Variants in ASAP1 observed in about 807,000 individuals in gnomAD.
ASAP1 encodes the protein arf-GAP with SH3 domain, ANK repeat and PH domain-containing protein 1.
ASAP1 carries 43 observed loss-of-function variants against 145.2 expected under a neutral mutation model. The ratio of observed to expected loss-of-function variants is 0.30; its 90% confidence interval spans 0.23 to 0.38. ASAP1 has a LOEUF of 0.38. Ranked by LOEUF, ASAP1 falls within the 10% of genes least tolerant of loss-of-function variation. The pLI is 1.00. For missense variants in ASAP1, 1,018 were observed against 1,355.3 expected, an observed-to-expected ratio of 0.75 and a Z score of 3.91; for synonymous variants, 546 against 515.5, an observed-to-expected ratio of 1.06 and a Z score of -0.80.
chr8:130,072,824 T>TGTGTGTGTGTGTGTGTGCGC, intron 27 of ASAP1, among the ~76,000 whole-genome samples: 10 of 32,306 alleles, frequency 3.1e-4, no homozygotes, highest in Middle Eastern at 0.016. Context: ...TGTGTGTGTG[T>TGTGTGTGTGTGTGTGTGCGC]GCGCGCGGGG....
At chr8:130,285,443 G>GA (rs1325773546) in intron 3 of ASAP1, among the ~76,000 whole-genome samples, 1 of 152,094 alleles carries the variant, frequency 6.6e-6, no homozygotes, top group East Asian at 1.9e-4. Flanking sequence ...CTTATCACTA[G>GA]AAAAAATTTT....
intron 9 of ASAP1, among the ~76,000 whole-genome samples, chr8:130,178,246 G>A (rs1814101678): frequency 6.6e-6 from 1 of 152,114 alleles, no homozygotes; most frequent in Non-Finnish European, 1.5e-5. Context: ...TTTCTGGAAG[G>A]TCCTTCCATT....
At chr8:130,407,140 G>A (rs1056704021) in intron 1 of ASAP1, among the ~76,000 whole-genome samples, 1 of 152,206 alleles carries the variant, frequency 6.6e-6, no homozygotes, top group Non-Finnish European at 1.5e-5. Context: ...AGTTGTGGTG[G>A]TAGTGATATT....
intron 2 of ASAP1, among the ~76,000 whole-genome samples, chr8:130,381,976 G>T (rs1827789769): frequency 6.6e-6 from 1 of 151,824 alleles, no homozygotes; most frequent in Admixed American, 6.6e-5. Context: ...TTTTCTTAAG[G>T]TACACACCAT....
chr8:130,424,173 G>T (rs1398495198), intron 1 of ASAP1, among the ~76,000 whole-genome samples: 1 of 152,238 alleles, frequency 6.6e-6, no homozygotes, highest in Non-Finnish European at 1.5e-5. Context: ...AATGTGAGCT[G>T]AGCTTGAAAA....
intron 3 of ASAP1, among the ~76,000 whole-genome samples, chr8:130,286,331 T>C (rs912662680): frequency 1.3e-5 from 2 of 152,234 alleles, no homozygotes; most frequent in African/African-American, 4.8e-5. Flanking sequence ...AAAACAAAGC[T>C]AGCATTTATT....
chr8:130,198,769 A>C (rs1402427889), intron 5 of ASAP1, among the ~76,000 whole-genome samples: 1 of 152,176 alleles, frequency 6.6e-6, no homozygotes, highest in African/African-American at 2.4e-5. Flanking sequence ...CTGACTCCAA[A>C]GGCCACTCTC....
chr8:130,192,367 G>A (rs1343485532), intron 5 of ASAP1, among the ~76,000 whole-genome samples: 2 of 152,008 alleles, frequency 1.3e-5, no homozygotes, highest in Non-Finnish European at 2.9e-5. Flanking sequence ...AAGGCTCTTG[G>A]GGAAAAGGAG....
At chr8:130,178,690 C>G (rs1814134338) in intron 9 of ASAP1, among the ~76,000 whole-genome samples, 1 of 152,164 alleles carries the variant, frequency 6.6e-6, no homozygotes, top group Non-Finnish European at 1.5e-5. Context: ...TCAAGGCCAT[C>G]CTGGCCAACA....
Position 130,126,141 on chromosome 8 carries a change from T to C in ASAP1, c.1382-52A>G, listed in dbSNP as rs745867190. ...AAACAAAAAAGACATCTAATTTTAG[T>C]GTGCCAACTACAGAGGAAGCTAAAA... is the stretch of plus-strand genomic sequence containing the variant. On this transcript the variant is annotated intron_variant, in intron 16 of 29. Transcript: ENST00000518721. 19 of 1,546,242 alleles carry C rather than the reference T, an allele frequency of 1.2e-5. No individual in the cohort carries two copies. The East Asian group carries it at 4.1e-4, about 34-fold the overall frequency.
chr8:130,169,160 C>G, intron 9 of ASAP1, 93 bp from the exon 10 acceptor site: 1 of 720,054 alleles, frequency 1.4e-6, no homozygotes, highest in Non-Finnish European at 2.3e-6. Flanking sequence ...ACTATAATAA[C>G]CTACAAAATC....
Position 130,145,070 on chromosome 8 carries a change from C to T in ASAP1, c.1080+7666G>A, listed in dbSNP as rs140789609. Among the ~76,000 whole-genome samples, 17 of 152,264 alleles carry T rather than the reference C, an allele frequency of 1.1e-4. No homozygotes were observed. The East Asian group carries it at 3.3e-3, about 29-fold the overall frequency. Reference sequence around the variant, plus strand: ...AAGACGTGGCGCTGAGGTTACTGCACCCAATGAATGTGCTAGATAGTCATC... The same window carrying T: ...AAGACGTGGCGCTGAGGTTACTGCATCCAATGAATGTGCTAGATAGTCATC... On this transcript the variant is annotated intron_variant, in intron 13 of 29. Coordinates refer to ENST00000518721, the MANE Select transcript of ASAP1 (RefSeq NM_018482.4).
chr8:130,232,183 CATTCTA>C (rs1158757751), intron 4 of ASAP1, among the ~76,000 whole-genome samples: 1 of 152,166 alleles, frequency 6.6e-6, no homozygotes, highest in African/African-American at 2.4e-5. Flanking sequence ...ACCTCTACTA[CATTCTA>C]TTCATTAGAA....
At chr8:130,196,973 T>C (rs1164954940) in intron 5 of ASAP1, among the ~76,000 whole-genome samples, 6 of 152,226 alleles carry the variant, frequency 3.9e-5, no homozygotes, top group African/African-American at 1.4e-4. Context: ...GCCTCGTCAT[T>C]AGGCTGCTTT....
At chr8:130,357,906 G>A (rs1043985107) in intron 3 of ASAP1, 111 bp downstream of exon 3, 11 of 1,423,288 alleles carry the variant, frequency 7.7e-6, no homozygotes, top group Non-Finnish European at 9.4e-6. Context: ...CCCTGAGGGG[G>A]TGTGGCGCCC....
intron 5 of ASAP1, among the ~76,000 whole-genome samples, chr8:130,190,316 A>G (rs183956193): frequency 1.6e-4 from 25 of 152,046 alleles, no homozygotes; most frequent in African/African-American, 5.1e-4. Flanking sequence ...ATCCATTTGG[A>G]TTTGATTTTT....
At chr8:130,218,862 T>C (rs1817101023) in intron 4 of ASAP1, among the ~76,000 whole-genome samples, 1 of 151,954 alleles carries the variant, frequency 6.6e-6, no homozygotes, top group Admixed American at 6.6e-5. Context: ...TATATATATA[T>C]ATGCATATGT....
chr8:130,158,615 T>C (rs539048330), intron 12 of ASAP1, among the ~76,000 whole-genome samples: 1 of 152,136 alleles, frequency 6.6e-6, no homozygotes, highest in East Asian at 1.9e-4. Flanking sequence ...AAAAGAAGCC[T>C]CATGTGGCAG....
intron 2 of ASAP1, among the ~76,000 whole-genome samples, chr8:130,396,814 T>C (rs1828552316): frequency 6.6e-6 from 1 of 152,172 alleles, no homozygotes; most frequent in Non-Finnish European, 1.5e-5. Flanking sequence ...TGCTTGACAT[T>C]TGGAAAGGCA....
Sources: allele counts gnomAD v4.1 joint callset (sites outside exome capture counted in the v4.1 genomes callset), GRCh38; gene constraint gnomAD v4.1.1; transcripts MANE v1.5; gene names NCBI Gene and HGNC (gene_info 2026-07-23, HGNC 2026-07-21).